Variants in CTNNA3 observed in about 807,000 individuals in gnomAD.
CTNNA3 encodes the protein catenin alpha 3.
CTNNA3 carries 76 observed loss-of-function variants against 95.7 expected under a neutral mutation model. The ratio of observed to expected loss-of-function variants is 0.79; its 90% CI spans 0.66 to 0.96. The LOEUF (loss-of-function observed/expected upper bound fraction) is 0.96. CTNNA3 is among the 40% of genes least tolerant of loss of function. The probability of loss-of-function intolerance (pLI) is 0.00; values close to 1 mark genes in which losing one functional copy is unlikely to be tolerated. For missense variants in CTNNA3, 1,191 were observed against 1,089.8 expected (o/e 1.09, Z -1.31); for synonymous variants, 431 against 374.4 (o/e 1.15, Z -1.74).
At chr10:67,350,903 A>AGAGTGT (rs1699998174) in intron 5 of CTNNA3, among the ~76,000 whole-genome samples, 2 of 79,048 alleles carry the variant, frequency 2.5e-5, no homozygotes, top group Non-Finnish European at 5.1e-5. Context: ...ATGTGAAAAA[A>AGAGTGT]GTATGTGTAT....
chr10:66,287,573 A>G (rs754853052), intron 12 of CTNNA3, among the ~76,000 whole-genome samples: 22 of 152,082 alleles, frequency 1.4e-4, no homozygotes, highest in Non-Finnish European at 3.1e-4. Flanking sequence ...ACTTAGGATA[A>G]AGAGAAGAGC....
At chr10:66,926,375 G>A (rs1193537327) in intron 7 of CTNNA3, 1 of 653,688 alleles carries the variant, frequency 1.5e-6, no homozygotes, top group Non-Finnish European at 2.8e-6. Flanking sequence ...CTGCGAATGC[G>A]GTGTTGGGAT....
At chr10:66,122,980 C>G (rs1199380995) in intron 13 of CTNNA3, among the ~76,000 whole-genome samples, 3 of 152,138 alleles carry the variant, frequency 2.0e-5, no homozygotes, top group Non-Finnish European at 4.4e-5. Context: ...GTTGGGGACA[C>G]AGCCAAACCA....
intron 5 of CTNNA3, among the ~76,000 whole-genome samples, chr10:67,493,421 G>A (rs1242562499): frequency 6.6e-6 from 1 of 151,990 alleles, no homozygotes; most frequent in Non-Finnish European, 1.5e-5. Flanking sequence ...AATTAGCTGG[G>A]CGTGGTGGCA....
At chr10:66,865,006 A>G (rs1372126311) in intron 7 of CTNNA3, among the ~76,000 whole-genome samples, 1 of 152,110 alleles carries the variant, frequency 6.6e-6, no homozygotes, top group East Asian at 1.9e-4. Flanking sequence ...TATTTTAGAG[A>G]AAAACCATAA....
At chr10:67,619,354 C>T (rs1163947637) in intron 2 of CTNNA3, among the ~76,000 whole-genome samples, 6 of 152,146 alleles carry the variant, frequency 3.9e-5, no homozygotes, top group East Asian at 3.8e-4. Flanking sequence ...GCACCAAGAA[C>T]ACTCACTGGA....
intron 5 of CTNNA3, among the ~76,000 whole-genome samples, chr10:67,278,474 C>T (rs1177338812): frequency 6.6e-6 from 1 of 152,136 alleles, no homozygotes; most frequent in Non-Finnish European, 1.5e-5. Context: ...TGAATTTAAA[C>T]ATTTTCTGGT....
intron 5 of CTNNA3, among the ~76,000 whole-genome samples, chr10:67,231,647 C>T (rs1865218563): frequency 6.7e-6 from 1 of 148,576 alleles, no homozygotes; most frequent in Non-Finnish European, 1.5e-5. Flanking sequence ...CACAGTTCCT[C>T]ACCAGCAACA....
intron 9 of CTNNA3, among the ~76,000 whole-genome samples, chr10:66,684,733 T>G (rs1332280232): frequency 6.6e-6 from 1 of 152,144 alleles, no homozygotes; most frequent in Non-Finnish European, 1.5e-5. Flanking sequence ...ATGTTACTTA[T>G]AAACATTTCT....
At chr10:67,156,817 T>C (rs538634510) in intron 7 of CTNNA3, among the ~76,000 whole-genome samples, 8 of 152,228 alleles carry the variant, frequency 5.3e-5, no homozygotes, top group Admixed American at 3.9e-4. Flanking sequence ...GTCTAAAGTA[T>C]TGCTCAAGTC....
chr10:67,286,161 T>G (rs1284131546), intron 5 of CTNNA3, among the ~76,000 whole-genome samples: 1 of 152,202 alleles, frequency 6.6e-6, no homozygotes, highest in Non-Finnish European at 1.5e-5. Flanking sequence ...TGAAGACATC[T>G]GCCTTCTCCT....
chr10:66,509,473 C>T (rs1840579819), intron 11 of CTNNA3, among the ~76,000 whole-genome samples: 2 of 151,866 alleles, frequency 1.3e-5, no homozygotes, highest in South Asian at 2.1e-4. Flanking sequence ...TTTCCTTTAT[C>T]TTTTTTTACT....
chr10:67,353,993 C>T (rs1390117616), intron 5 of CTNNA3, among the ~76,000 whole-genome samples: 1 of 151,990 alleles, frequency 6.6e-6, no homozygotes, highest in Non-Finnish European at 1.5e-5. Context: ...TTTCAAACAG[C>T]AGCCCACTCC....
chr10:67,570,825 T>C (rs1841951055), intron 3 of CTNNA3, among the ~76,000 whole-genome samples: 1 of 152,206 alleles, frequency 6.6e-6, no homozygotes. Context: ...GTAATTTCTT[T>C]TCAATCTCCT....
chr10:67,212,865 T>C (rs1015621040), intron 6 of CTNNA3, among the ~76,000 whole-genome samples: 1 of 151,922 alleles, frequency 6.6e-6, no homozygotes, highest in South Asian at 2.1e-4. Flanking sequence ...AATTTTTGCA[T>C]CTAATTTCAT....
intron 7 of CTNNA3, among the ~76,000 whole-genome samples, chr10:67,139,206 C>T (rs977206614): frequency 3.3e-5 from 5 of 152,120 alleles, no homozygotes; most frequent in East Asian, 1.9e-4. Flanking sequence ...GATCTCAGCT[C>T]ACTGCAACCT....
At chr10:66,121,574 G>T (rs1016053289) in intron 13 of CTNNA3, among the ~76,000 whole-genome samples, 5 of 152,108 alleles carry the variant, frequency 3.3e-5, no homozygotes, top group Admixed American at 2.6e-4. Context: ...TTGTAGCCAG[G>T]TGCAGTGGTT....
In CTNNA3 at chr10:66,973,693, G is replaced by A. The variant is rs137866093; in HGVS notation, c.1048-198169C>T. Among the ~76,000 whole-genome samples the A allele has an allele frequency of 3.8e-3, 584 of 152,094 alleles. 2 individuals are homozygous for A. Among genetic ancestry groups the A allele is most frequent in the African/African-American group, 0.014 (563 of 41,480 alleles). On this transcript the variant is annotated intron_variant, in intron 7 of 17. Transcript: ENST00000433211. The stretch of plus-strand genomic sequence containing the variant: ...AGCTGGAGTACAGTGGTGCGATCTC[G>A]GCTCACTGCAACCTCCATCTCCCAG...
intron 9 of CTNNA3, among the ~76,000 whole-genome samples, chr10:66,671,143 C>G (rs1246511687): frequency 3.3e-5 from 5 of 152,114 alleles, no homozygotes; most frequent in African/African-American, 1.2e-4. Context: ...ACTGCAAATT[C>G]AATTATTCCT....
Sources: gnomAD v4.1 joint callset for allele counts (sites outside exome capture counted in the v4.1 genomes callset) on GRCh38, gnomAD v4.1.1 for gene constraint, MANE v1.5 for transcripts, NCBI Gene and HGNC (gene_info 2026-07-23, HGNC 2026-07-21) for gene names.